The following CSMD1 variants were observed in gnomAD, a reference collection of about 807,000 sequenced individuals.
The protein encoded by CSMD1 is CUB and sushi domain-containing protein 1.
A neutral mutation model predicts 417.5 loss-of-function variants in CSMD1; 213 were observed. The observed-to-expected ratio is 0.51, with a 90% CI of 0.46 to 0.57. The LOEUF (loss-of-function observed/expected upper bound fraction) is 0.57, where lower values mean the gene tolerates loss of function less well. CSMD1 is among the 20% of genes least tolerant of loss of function. The pLI is 0.00. For missense variants in CSMD1, 6,923 were observed against 4,529.7 expected (o/e 1.53, Z -15.17); for synonymous variants, 2,862 against 1,736.8 (o/e 1.65, Z -16.11).
intron 6 of CSMD1, among the ~76,000 whole-genome samples, chr8:3,734,176 A>T (rs182179751): frequency 2.6e-5 from 4 of 152,334 alleles, no homozygotes; most frequent in Admixed American, 2.6e-4. Context: ...ACTACTTAAA[A>T]CATTGAGCTG....
intron 25 of CSMD1, among the ~76,000 whole-genome samples, chr8:3,299,653 G>C (rs1804241529): frequency 6.6e-6 from 1 of 152,116 alleles, no homozygotes; most frequent in Admixed American, 6.6e-5. Flanking sequence ...GAGAAAGCAG[G>C]AAAGGAATCC....
chr8:3,772,261 A>ATACATACATAT (rs1798619942), intron 5 of CSMD1, among the ~76,000 whole-genome samples: 6 of 146,098 alleles, frequency 4.1e-5, no homozygotes, highest in Non-Finnish European at 6.0e-5. Context: ...ACATATATTT[A>ATACATACATAT]GACATACATA....
intron 10 of CSMD1, among the ~76,000 whole-genome samples, chr8:3,504,341 G>T (rs527437946): frequency 3.0e-4 from 46 of 152,262 alleles, no homozygotes; most frequent in African/African-American, 1.0e-3. Context: ...AGTCTTGAAA[G>T]AATTGTTTAA....
intron 12 of CSMD1, among the ~76,000 whole-genome samples, chr8:3,423,190 C>T (rs1813606153): frequency 1.3e-5 from 2 of 152,168 alleles, no homozygotes; most frequent in Non-Finnish European, 2.9e-5. Context: ...AATTTTACCA[C>T]GTCTAAATGA....
At chr8:4,104,603 T>G (rs919762312) in intron 3 of CSMD1, among the ~76,000 whole-genome samples, 1 of 151,928 alleles carries the variant, frequency 6.6e-6, no homozygotes, top group Admixed American at 6.6e-5. Flanking sequence ...ATGAGAACGG[T>G]CTGAATTAGA....
At chr8:4,626,741 A>G (rs1049721506) in intron 2 of CSMD1, among the ~76,000 whole-genome samples, 4 of 152,108 alleles carry the variant, frequency 2.6e-5, no homozygotes, top group Admixed American at 6.6e-5. Context: ...GGATGCCCCA[A>G]AGAAAATATA....
rs576006293 is a variant in CSMD1, at chr8:3,626,001, G to T, written c.1010-9204C>A. The stretch of plus-strand genomic sequence containing the variant: ...ACTATACACATAAAATAAAAAATAG[G>T]AATATTCTACTATAAAGTCAGTGTA... On this transcript the variant is annotated intron_variant, in intron 7 of 69. Coordinates refer to ENST00000635120, the MANE Select transcript of CSMD1 (RefSeq NM_033225.6). 4.3e-4 allele frequency among the ~76,000 whole-genome samples: 65 copies of T among 152,186 alleles called. 1 individual carries two copies. The South Asian group carries it at 0.013, about 31-fold the overall frequency.
intron 10 of CSMD1, among the ~76,000 whole-genome samples, chr8:3,510,928 C>G (rs559108468): frequency 2.6e-5 from 4 of 151,708 alleles, no homozygotes. Flanking sequence ...GATACATGCA[C>G]ACGTATGTTT....
chr8:4,440,975 T>C (rs1467117376), intron 2 of CSMD1, among the ~76,000 whole-genome samples: 1 of 149,268 alleles, frequency 6.7e-6, no homozygotes, highest in East Asian at 2.0e-4. Flanking sequence ...TCAGCCTAGA[T>C]GACACAGTGA....
chr8:4,101,920 C>G (rs74196709), intron 3 of CSMD1, among the ~76,000 whole-genome samples: 58 of 152,266 alleles, frequency 3.8e-4, no homozygotes, highest in Admixed American at 5.2e-4. Context: ...ACAGCATTTT[C>G]CCAGTGGACT....
At position 3,497,473 on chromosome 8, in the gene CSMD1, C is replaced by A. The variant is rs961792007; in HGVS notation, c.1345-3747G>T. On this transcript the variant is annotated intron_variant, in intron 10 of 69. Coordinates refer to ENST00000635120, the MANE Select transcript of CSMD1 (RefSeq NM_033225.6). ...CCAGGCTGGAGTGCAGTGGTGCAAT[C>A]TCAGCTCACTGCAACCTGTCTCCTG... is the stretch of plus-strand genomic sequence containing the variant. 2.6e-5 allele frequency among the ~76,000 whole-genome samples: 4 copies of A among 152,280 alleles called. No homozygotes were observed. In the South Asian group the frequency reaches 6.2e-4, roughly 24 times the overall value.
At chr8:4,905,363 G>C (rs1384514511) in intron 1 of CSMD1, among the ~76,000 whole-genome samples, 1 of 140,650 alleles carries the variant, frequency 7.1e-6, no homozygotes, top group Non-Finnish European at 1.5e-5. Flanking sequence ...TAGACTCTTA[G>C]ATAGATTTAT....
At chr8:4,626,384 T>C (rs1346695984) in intron 2 of CSMD1, among the ~76,000 whole-genome samples, 1 of 151,936 alleles carries the variant, frequency 6.6e-6, no homozygotes. Flanking sequence ...GTAACAGATA[T>C]TGGTTATAAA....
intron 1 of CSMD1, among the ~76,000 whole-genome samples, chr8:4,969,248 A>T (rs1156981681): frequency 6.6e-6 from 1 of 152,082 alleles, no homozygotes; most frequent in East Asian, 1.9e-4. Context: ...TTAGTAAGTT[A>T]ATGTTCTATA....
At chr8:3,586,102 A>G (rs759235886) in intron 9 of CSMD1, 34 bp downstream of exon 9, 1 of 1,594,146 alleles carries the variant, frequency 6.3e-7, no homozygotes, top group Non-Finnish European at 8.5e-7. Context: ...AAAGAAAGAG[A>G]TAATCCAGGC....
At chr8:4,215,003 G>C (rs1255777964) in intron 3 of CSMD1, among the ~76,000 whole-genome samples, 1 of 152,170 alleles carries the variant, frequency 6.6e-6, no homozygotes, top group Non-Finnish European at 1.5e-5. Flanking sequence ...TACTGAGAAA[G>C]TCAAGTTCAA....
chr8:3,797,216 G>C (rs1263585097), intron 5 of CSMD1, among the ~76,000 whole-genome samples: 3 of 151,770 alleles, frequency 2.0e-5, no homozygotes, highest in Non-Finnish European at 3.0e-5. Flanking sequence ...AAATATCAAA[G>C]AACTTCAACC....
intron 29 of CSMD1, among the ~76,000 whole-genome samples, chr8:3,218,941 A>G (rs1798042306): frequency 1.3e-5 from 2 of 152,202 alleles, no homozygotes; most frequent in South Asian, 4.1e-4. Context: ...ACAAATTATA[A>G]GGTGTTAAAA....
At chr8:3,948,706 G>A (rs1465800733) in intron 5 of CSMD1, among the ~76,000 whole-genome samples, 2 of 152,024 alleles carry the variant, frequency 1.3e-5, no homozygotes, top group Non-Finnish European at 2.9e-5. Context: ...ACTTAATAAT[G>A]AATAAAACCA....
Sources: allele counts gnomAD v4.1 joint callset (sites outside exome capture counted in the v4.1 genomes callset), GRCh38; gene constraint gnomAD v4.1.1; transcripts MANE v1.5; gene names NCBI Gene and HGNC (gene_info 2026-07-23, HGNC 2026-07-21).